The following SCUBE2 variants were observed in gnomAD, a reference collection of about 807,000 sequenced individuals.
SCUBE2 encodes the protein signal peptide, CUB domain and EGF like domain containing 2.
Under a neutral mutation model 125.9 loss-of-function variants are expected in SCUBE2, and 114 were observed. The ratio of observed to expected loss-of-function variants is 0.91; its 90% confidence interval spans 0.78 to 1.06. The LOEUF (loss-of-function observed/expected upper bound fraction) is 1.06. SCUBE2 is among the 50% of genes least tolerant of loss of function. The pLI is 0.00. For missense variants in SCUBE2, 1,255 were observed against 1,301.8 expected, an observed-to-expected ratio of 0.96 and a Z score of 0.55; for synonymous variants, 459 against 492.9, an observed-to-expected ratio of 0.93 and a Z score of 0.91.
At chr11:9,065,868 G>A in intron 7 of SCUBE2, 23 bp downstream of exon 7, 3 of 1,604,288 alleles carry the variant, frequency 1.9e-6, no homozygotes, top group Non-Finnish European at 2.6e-6. Flanking sequence ...CAGTGGCCAA[G>A]GAAAGGGAGT....
At chr11:9,051,627 G>C (rs1858427395) in intron 13 of SCUBE2, among the ~76,000 whole-genome samples, 1 of 152,200 alleles carries the variant, frequency 6.6e-6, no homozygotes, top group South Asian at 2.1e-4. Context: ...GCTCTTTTAA[G>C]TTGTGGTGAG....
At chr11:9,032,862 T>C (rs766837040) in intron 17 of SCUBE2, among the ~76,000 whole-genome samples, 1 of 152,178 alleles carries the variant, frequency 6.6e-6, no homozygotes, top group Non-Finnish European at 1.5e-5. Flanking sequence ...ACAGTCAATA[T>C]GAGGATTTGA....
chr11:9,050,811 A>G (rs1858282750), intron 13 of SCUBE2, 101 bp from the exon 14 acceptor site: 2 of 871,186 alleles, frequency 2.3e-6, no homozygotes, highest in African/African-American at 1.6e-5. Context: ...TCCACCACAC[A>G]CAGCACACCC....
Position 9,033,682 on chromosome 11 carries a change from G to A in SCUBE2, c.2117C>T (p.Pro706Leu). ...GQMTCEPCPRPGNSGALKTPE... is the reference protein window; with the variant it reads ...GQMTCEPCPRLGNSGALKTPE... ...GGTCTTCAGGGCCCCAGAATTTCCTGGTCTTGGGCATGGTTCACAAGTCAT... is the reference window on the plus strand; with the variant it reads ...GGTCTTCAGGGCCCCAGAATTTCCTAGTCTTGGGCATGGTTCACAAGTCAT... Residue 706 changes from proline (P) to leucine (L), a missense_variant, in exon 17 of 23, where the codon CCA (proline) becomes CTA (leucine). Around this residue, in one of 3 missense-constraint regions of SCUBE2, gnomAD observed 515 missense variants for 515.7 expected, o/e 1.00. Coordinates refer to ENST00000649792, the MANE Select transcript of SCUBE2 (RefSeq NM_001367977.2). The A allele has an allele frequency of 6.2e-7, 1 of 1,614,072 alleles. No homozygotes were observed. Among genetic ancestry groups the A allele is most frequent in the Non-Finnish European group, 8.5e-7 (1 of 1,180,004 alleles).
chr11:9,024,803 G>C (rs985142595), intron 21 of SCUBE2, among the ~76,000 whole-genome samples: 3 of 152,154 alleles, frequency 2.0e-5, no homozygotes, highest in African/African-American at 7.2e-5. Context: ...CCTTCTAAAA[G>C]CTCATGTAAA....
Position 9,066,071 on chromosome 11 carries a change from A to C in SCUBE2, c.761-91T>G, listed in dbSNP as rs1004509395. On this transcript the variant is annotated intron_variant, in intron 6 of 22. Coordinates refer to ENST00000649792, the MANE Select transcript of SCUBE2 (RefSeq NM_001367977.2). ...CTGTGTTTGCTGAAATCCCAGACAT[A>C]AGAGGAATGAAAGATATGTGACTCT... 4 of 843,582 alleles carry C rather than the reference A, an allele frequency of 4.7e-6. No homozygotes were observed. In the African/African-American group the frequency reaches 6.7e-5, roughly 14 times the overall value. 52.3% of individuals were successfully genotyped at this position (843,582 alleles called of 1,614,324 possible).
Position 9,025,706 on chromosome 11 carries a change from A to C in SCUBE2, c.2850T>G (p.Tyr950Ter). 1 of 1,614,046 alleles carries C rather than the reference A, an allele frequency of 6.2e-7. No homozygotes were observed. Among genetic ancestry groups the C allele is most frequent in the African/African-American group, 1.3e-5 (1 of 75,024 alleles). Residue 950 changes from tyrosine (Y) to a stop codon, truncating the protein, a stop_gained, in exon 21 of 23, where the codon TAT becomes TAG. Transcript: ENST00000649792. LOFTEE classifies it high-confidence loss of function. ...ARGFQVPYVT[Y>*]DEDYQELIED... ...TGTGCTGCAGGCTGTGCTTACCATC[A>C]TATGTCACGTATGGGACCTGGAACC...
intron 22 of SCUBE2, 53 bp from the exon 23 acceptor site, chr11:9,021,250 A>C (rs1855270697): frequency 6.8e-7 from 1 of 1,474,600 alleles, no homozygotes; most frequent in Non-Finnish European, 9.1e-7. Context: ...ATATGCTGAC[A>C]TTTTGCCCAT....
At position 9,021,936 on chromosome 11, in the gene SCUBE2, A is replaced by G. The variant is rs1855328884; in HGVS notation, c.2874T>C (p.Ile958=). Residue 958 remains isoleucine (I), a synonymous_variant, in exon 22 of 23, where the codon ATT becomes ATC. Coordinates refer to ENST00000649792, the MANE Select transcript of SCUBE2 (RefSeq NM_001367977.2). ...VTYDEDYQEL[I]EDIVRDGRLY... is the part of the protein sequence containing the mutation. ...GCCTGCCATCTCGAACTATGTCTTC[A>G]ATGAGTTCCTGGTAGTCCTCTGTTG... The G allele has an allele frequency of 6.2e-7, 1 of 1,613,608 alleles. No individual in the cohort carries two copies.
intron 10 of SCUBE2, among the ~76,000 whole-genome samples, chr11:9,054,073 T>C (rs1319616346): frequency 6.8e-6 from 1 of 147,232 alleles, no homozygotes; most frequent in Non-Finnish European, 1.5e-5. Flanking sequence ...CTCAGCTCAC[T>C]GCAACCTCCG....
Position 9,030,877 on chromosome 11 carries a change from TG to T in SCUBE2, c.2221del (p.Gln741SerfsTer90). The T allele has an allele frequency of 1.6e-5, 26 of 1,614,200 alleles. No individual in the cohort carries two copies. Among genetic ancestry groups the T allele is most frequent in the Non-Finnish European group, 2.2e-5 (26 of 1,180,024 alleles). On this transcript the variant is annotated frameshift_variant, in exon 18 of 23. Coordinates refer to ENST00000649792, the MANE Select transcript of SCUBE2 (RefSeq NM_001367977.2). LOFTEE classifies it high-confidence loss of function. The stretch of plus-strand genomic sequence containing the variant: ...CTGGAACGTGCCCAGGGCACAGAGC[TG>T]GCAAGGTGCAAAGCCATCTGCAGAA... ...EYSADGFAPC[Q>X]LCALGTFQPE...
chr11:9,054,978 C>T (rs1260196753), intron 10 of SCUBE2, among the ~76,000 whole-genome samples: 1 of 151,694 alleles, frequency 6.6e-6, no homozygotes, highest in Non-Finnish European at 1.5e-5. Flanking sequence ...AGGTGATCCG[C>T]CCGCCTTGGC....
intron 4 of SCUBE2, 126 bp downstream of exon 4, chr11:9,074,355 C>A: frequency 6.7e-6 from 8 of 1,198,190 alleles, no homozygotes; most frequent in Non-Finnish European, 9.2e-6. Flanking sequence ...GGAGTCTGGA[C>A]TCGTCCTCAG....
At chr11:9,033,517 G>A in intron 17 of SCUBE2, 109 bp downstream of exon 17, 1 of 1,317,416 alleles carries the variant, frequency 7.6e-7, no homozygotes, top group Non-Finnish European at 1.0e-6. Context: ...GTCCCTGCTT[G>A]TAGGAAGCCC....
At chr11:9,043,076 G>A (rs1405827351) in intron 16 of SCUBE2, among the ~76,000 whole-genome samples, 1 of 152,158 alleles carries the variant, frequency 6.6e-6, no homozygotes, top group African/African-American at 2.4e-5. Context: ...AGGCTCCTTA[G>A]CAACATATCC....
intron 16 of SCUBE2, among the ~76,000 whole-genome samples, chr11:9,038,229 G>A (rs1390641989): frequency 6.6e-6 from 1 of 152,178 alleles, no homozygotes; most frequent in Non-Finnish European, 1.5e-5. Context: ...GTAGTAGTAT[G>A]ATGAAGAAAA....
chr11:9,059,301 A>G lies in SCUBE2; in HGVS notation c.1090+2T>C. On this transcript the variant is annotated splice_donor_variant, in intron 9 of 22. Transcript: ENST00000649792. LOFTEE classifies it high-confidence loss of function. ...CAGCACAGCTATGTTTTCAGCACAT[A>G]CCTTGGCAAGACTTCTCATCTGTTA... The G allele has an allele frequency of 1.2e-6, 2 of 1,614,014 alleles. No homozygotes were observed. The highest frequency in any genetic ancestry group is 1.7e-6 in the Non-Finnish European group (2 of 1,179,978).
rs781773340 is a variant in SCUBE2, at chr11:9,065,995, A to G, written c.761-15T>C. The G allele has an allele frequency of 4.4e-6, 7 of 1,588,404 alleles. No homozygotes were observed. In the Admixed American group the frequency reaches 1.0e-4, roughly 23 times the overall value. ...GTCCTCTCGCTCTACAAGAGAAGCA[A>G]AAGAGCACGGTTCTCAGACTGAATG... On this transcript the variant is annotated splice_polypyrimidine_tract_variant and intron_variant, in intron 6 of 22. Coordinates refer to ENST00000649792, the MANE Select transcript of SCUBE2 (RefSeq NM_001367977.2).
At position 9,030,829 on chromosome 11, in the gene SCUBE2, C is replaced by A; in HGVS notation, c.2270G>T (p.Cys757Phe). Residue 757 changes from cysteine (C) to phenylalanine (F), a missense_variant, in exon 18 of 23, where the codon TGC becomes TTC. By Grantham distance (205) the Cys-to-Phe change is radical (BLOSUM62 -2). Transcript: ENST00000649792. ...GGCAAGGCCTCCTCCACAGGGGAAG[C>A]AGGAAGTTCGACCAGCTTCAGGCTG... The part of the protein sequence containing the change: ...TFQPEAGRTS[C>F]FPCGGGLATK... 6.2e-7 allele frequency: 1 copy of A among 1,614,214 alleles called. No homozygotes were observed. The highest frequency in any genetic ancestry group is 8.5e-7 in the Non-Finnish European group (1 of 1,180,014).
Sources: gnomAD v4.1 joint callset for allele counts (sites outside exome capture counted in the v4.1 genomes callset) on GRCh38, gnomAD v4.1.1 for gene constraint, gnomAD v4.1.1 regional missense constraint, MANE v1.5 for transcripts, NCBI Gene and HGNC (gene_info 2026-07-23, HGNC 2026-07-21) for gene names.